TNIK: variants seen among roughly 807,000 people sequenced by gnomAD.
TNIK encodes TRAF2 and NCK-interacting protein kinase.
TNIK carries 49 observed loss-of-function variants against 191.3 expected under a neutral mutation model. That is an observed-to-expected ratio of 0.26 (90% CI 0.20 to 0.32). TNIK has a LOEUF of 0.32. TNIK is among the 10% of genes least tolerant of loss of function. The pLI, the probability that TNIK is intolerant of heterozygous loss-of-function variation, is 1.00. For synonymous variants in TNIK, 594 were observed against 600.9 expected, an observed-to-expected ratio of 0.99 and a Z score of 0.17; for missense variants, 1,155 against 1,702.3, an observed-to-expected ratio of 0.68 and a Z score of 5.66.
chr3:171,087,226 A>T (rs1163640052), intron 24 of TNIK, 116 bp downstream of exon 24: 7 of 1,459,648 alleles, frequency 4.8e-6, no homozygotes, highest in Non-Finnish European at 6.5e-6. Flanking sequence ...CTATGGTAGA[A>T]ACCAACCAAA....
intron 1 of TNIK, among the ~76,000 whole-genome samples, chr3:171,453,391 T>C (rs1234219446): frequency 6.6e-6 from 1 of 151,922 alleles, no homozygotes; most frequent in African/African-American, 2.4e-5. Flanking sequence ...GGGCAGTAGG[T>C]ACAGAAAGGA....
At chr3:171,113,969 G>C (rs1377278600) in intron 18 of TNIK, among the ~76,000 whole-genome samples, 1 of 145,606 alleles carries the variant, frequency 6.9e-6, no homozygotes, top group East Asian at 2.0e-4. Context: ...GGTGCTGGGA[G>C]GCAGCTGCTG....
At chr3:171,151,834 C>T (rs772618100) in intron 12 of TNIK, among the ~76,000 whole-genome samples, 1 of 152,220 alleles carries the variant, frequency 6.6e-6, no homozygotes, top group African/African-American at 2.4e-5. Context: ...CACCACCTCA[C>T]CACTCTTTTG....
intron 14 of TNIK, among the ~76,000 whole-genome samples, 192 bp downstream of exon 14, chr3:171,139,278 A>G (rs778853857): frequency 2.0e-5 from 3 of 152,198 alleles, no homozygotes; most frequent in Non-Finnish European, 4.4e-5. Context: ...AGCAAAATCA[A>G]TCAGAAAATG....
intron 22 of TNIK, 41 bp downstream of exon 22, chr3:171,101,406 CCT>C (rs1250543572): frequency 1.3e-6 from 2 of 1,544,146 alleles, no homozygotes; most frequent in African/African-American, 2.8e-5. Context: ...ATTTTGGAAA[CCT>C]AGTCCCCTCC....
chr3:171,460,172 G>C lies in TNIK; in HGVS notation c.-109C>G. 1 of 1,394,144 alleles carries C rather than the reference G, an allele frequency of 7.2e-7. No homozygotes were observed. The highest frequency in any genetic ancestry group is 9.8e-7 in the Non-Finnish European group (1 of 1,017,976). 86.4% of individuals were successfully genotyped at this position (1,394,144 alleles called of 1,614,324 possible). A position where few individuals can be genotyped will look rare whatever the true frequency, so the allele number is the denominator to read the frequency against. On this transcript the variant is annotated 5_prime_UTR_variant, in exon 1 of 33. Transcript: ENST00000436636. This position sits in a 1 kb window ranked among gnomAD's most constrained non-coding sequence, Gnocchi z 6.8. ...GTCCTCATGCGGGTGTCGCGCCAGA[G>C]GCCCCGGGCCCAGCCTCCCCCGCCC... is the stretch of plus-strand genomic sequence containing the variant.
At chr3:171,353,313 G>A (rs1338912122) in intron 2 of TNIK, among the ~76,000 whole-genome samples, 1 of 152,166 alleles carries the variant, frequency 6.6e-6, no homozygotes, top group East Asian at 1.9e-4. Flanking sequence ...TCAACTCCAG[G>A]TTGTGCCACT....
intron 17 of TNIK, among the ~76,000 whole-genome samples, chr3:171,124,828 G>A (rs971340119): frequency 6.6e-6 from 1 of 152,112 alleles, no homozygotes; most frequent in Non-Finnish European, 1.5e-5. Flanking sequence ...ATGTATGCCT[G>A]CGTATTTTTA....
At chr3:171,129,892 G>A (rs544353655) in intron 15 of TNIK, among the ~76,000 whole-genome samples, 11 of 152,304 alleles carry the variant, frequency 7.2e-5, no homozygotes, top group African/African-American at 2.6e-4. Flanking sequence ...ACTTCAAGAA[G>A]CCTATGACTT....
intron 2 of TNIK, chr3:171,347,019 G>T: frequency 3.2e-6 from 3 of 940,722 alleles, no homozygotes; most frequent in South Asian, 1.8e-5. Context: ...GGACAGTCCT[G>T]CAGGCGTTCA....
intron 2 of TNIK, among the ~76,000 whole-genome samples, chr3:171,290,669 T>A (rs1751584872): frequency 6.6e-6 from 1 of 152,142 alleles, no homozygotes; most frequent in Non-Finnish European, 1.5e-5. Context: ...GAAAAGACAA[T>A]CTCTGCAGAA....
At chr3:171,410,554 C>T (rs958933502) in intron 1 of TNIK, among the ~76,000 whole-genome samples, 7 of 152,044 alleles carry the variant, frequency 4.6e-5, no homozygotes, top group South Asian at 2.1e-4. Flanking sequence ...CGGAGGCGGG[C>T]GGATCACAAG....
Position 171,128,765 on chromosome 3 carries a change from A to G in TNIK, c.1722T>C (p.Ser574=), listed in dbSNP as rs368677789. The change falls in exon 16 of 33, where the codon AGT becomes AGC. Residue 574 remains serine, a synonymous_variant. Coordinates refer to ENST00000436636, the MANE Select transcript of TNIK (RefSeq NM_015028.4). ...LPPRSESFSI[S]GVQPARTPPM... is the part of the protein sequence containing the mutation. ...GGGGTGTTCGAGCAGGCTGAACTCCACTAATGCTGAAGGACTCCGACCTTG... is the reference window on the plus strand; with the variant it reads ...GGGGTGTTCGAGCAGGCTGAACTCCGCTAATGCTGAAGGACTCCGACCTTG... The G allele has an allele frequency of 3.7e-5, 60 of 1,613,256 alleles. No individual in the cohort carries two copies. The African/African-American group carries it at 7.8e-4, about 21-fold the overall frequency.
At chr3:171,302,414 A>T (rs1163527470) in intron 2 of TNIK, among the ~76,000 whole-genome samples, 1 of 152,190 alleles carries the variant, frequency 6.6e-6, no homozygotes, top group African/African-American at 2.4e-5. Context: ...ATATAGACCA[A>T]AGTAAAATAG....
chr3:171,311,592 T>G (rs1425628525), intron 2 of TNIK, among the ~76,000 whole-genome samples: 3 of 152,158 alleles, frequency 2.0e-5, no homozygotes, highest in African/African-American at 7.2e-5. Context: ...CGCTGATTTT[T>G]CTACATTGGG....
chr3:171,291,007 T>C (rs1751621054), intron 2 of TNIK, among the ~76,000 whole-genome samples: 1 of 152,208 alleles, frequency 6.6e-6, no homozygotes, highest in Non-Finnish European at 1.5e-5. Flanking sequence ...TTACCCATTG[T>C]CTTTTTAGCT....
intron 2 of TNIK, among the ~76,000 whole-genome samples, chr3:171,316,368 T>G (rs991798208): frequency 2.6e-5 from 4 of 151,982 alleles, no homozygotes; most frequent in African/African-American, 7.3e-5. Context: ...GAGAAAGAAA[T>G]AATTGATTCT....
In TNIK at chr3:171,325,305, T is replaced by C. The variant is rs551764657; in HGVS notation, c.123+44315A>G. 6.6e-5 allele frequency among the ~76,000 whole-genome samples: 10 copies of C among 152,136 alleles called. No individual in the cohort carries two copies. The South Asian group carries it at 2.1e-3, about 32-fold the overall frequency. On this transcript the variant is annotated intron_variant, in intron 2 of 32. Transcript: ENST00000436636. ...TTATAAACAGAGACCAAAGGCAAAA[T>C]GCCTTTGCTGACTAGTGGCTACGTC...
At chr3:171,390,486 G>A (rs1719346627) in intron 1 of TNIK, among the ~76,000 whole-genome samples, 1 of 152,176 alleles carries the variant, frequency 6.6e-6, no homozygotes, top group Non-Finnish European at 1.5e-5. Flanking sequence ...GGACTGAGCA[G>A]TTGTTTACAA....
Sources: gnomAD v4.1 joint callset for allele counts (sites outside exome capture counted in the v4.1 genomes callset) on GRCh38, gnomAD v4.1.1 for gene constraint, Gnocchi (gnomAD v3.1) non-coding constraint, MANE v1.5 for transcripts, NCBI Gene and HGNC (gene_info 2026-07-23, HGNC 2026-07-21) for gene names.